The following ADGRV1 variants were observed in gnomAD, a reference collection of about 807,000 sequenced individuals.
ADGRV1 encodes adhesion G protein-coupled receptor V1.
Under a neutral mutation model 596.2 loss-of-function variants are expected in ADGRV1, and 359 were observed. That is an observed-to-expected ratio of 0.60 (90% CI 0.55 to 0.66). The LOEUF is 0.66. Among genes scored for constraint, ADGRV1 ranks in the 30% least tolerant of loss-of-function variants. The pLI, the probability that ADGRV1 is intolerant of heterozygous loss-of-function variation, is 0.00. For synonymous variants in ADGRV1, 2,681 were observed against 2,679.2 expected (o/e 1.00, Z -0.02); for missense variants, 7,274 against 7,575.6 (o/e 0.96, Z 1.48).
In ADGRV1 at chr5:90,791,222, C is replaced by T; in HGVS notation, c.14393C>T (p.Ala4798Val). 1 of 1,613,666 alleles carries T rather than the reference C, an allele frequency of 6.2e-7. No individual in the cohort carries two copies. The highest frequency in any genetic ancestry group is 8.5e-7 in the Non-Finnish European group (1 of 1,179,812). The change falls in exon 70 of 90, where the codon GCT (alanine) becomes GTT (valine). Residue 4798 changes from alanine to valine, a missense_variant. Physicochemically the swap from Ala to Val is moderately conservative, Grantham distance 64. This residue lies in a region of ADGRV1 where 1,874 missense variants were observed against 1,970.2 expected (regional missense o/e 0.95). Transcript: ENST00000405460. ...TRLAGTFGDVAVGLRISSDHK... is the reference protein window; with the variant it reads ...TRLAGTFGDVVVGLRISSDHK... ...CTTGCTGGAACATTTGGAGATGTGG[C>T]TGTTGGGCTTCGAATATCATCGGAT...
At chr5:90,719,324 A>C (rs1253960808) in intron 43 of ADGRV1, among the ~76,000 whole-genome samples, 1 of 9,672 alleles carries the variant, frequency 1.0e-4, no homozygotes, top group Non-Finnish European at 1.5e-4. Context: ...CTGTCTCATA[A>C]ATAAATAAAT....
chr5:91,027,448 A>G lies in ADGRV1; in HGVS notation c.18152+41926A>G, dbSNP rs1036410814. Among the ~76,000 whole-genome samples, 3 of 152,120 alleles carry G rather than the reference A, an allele frequency of 2.0e-5. No homozygotes were observed. In the East Asian group the frequency reaches 5.8e-4, roughly 29 times the overall value. ...GTATTTCCTTGGTTGGCAAGATGGC[A>G]AGGCCAGCCCAGAACATTGAAAGAT... On this transcript the variant is annotated intron_variant, in intron 85 of 89. Coordinates refer to ENST00000405460, the MANE Select transcript of ADGRV1 (RefSeq NM_032119.4).
Position 90,840,830 on chromosome 5 carries a change from G to C in ADGRV1, c.16864G>C (p.Asp5622His). 1 of 1,613,730 alleles carries C rather than the reference G, an allele frequency of 6.2e-7. No individual in the cohort carries two copies. ...GACTGCCAACATCACTCTTGTCTCA[G>C]ATGCAGATTCGCAGGCCATTTGGGG... is the stretch of plus-strand genomic sequence containing the variant. Reference protein sequence around the residue: ...YGTANITLVSDADSQAIWGLA... With the variant: ...YGTANITLVSHADSQAIWGLA... Residue 5622 changes from aspartate (D) to histidine (H), a missense_variant, in exon 78 of 90, where the codon GAT becomes CAT. By Grantham distance (81) the Asp-to-His change is moderately conservative. Coordinates refer to ENST00000405460, the MANE Select transcript of ADGRV1 (RefSeq NM_032119.4).
intron 85 of ADGRV1, among the ~76,000 whole-genome samples, chr5:91,021,259 A>G (rs1783609852): frequency 6.6e-6 from 1 of 152,078 alleles, no homozygotes; most frequent in African/African-American, 2.4e-5. Flanking sequence ...AAGAGCTATA[A>G]TGTAAAATGG....
chr5:90,636,057 G>C (rs755792646), intron 10 of ADGRV1, among the ~76,000 whole-genome samples: 2 of 151,994 alleles, frequency 1.3e-5, no homozygotes, highest in Non-Finnish European at 2.9e-5. Context: ...GTTGTGGAAT[G>C]CTAAATCTTA....
intron 1 of ADGRV1, among the ~76,000 whole-genome samples, chr5:90,594,332 G>A (rs934515713): frequency 1.3e-5 from 2 of 151,938 alleles, no homozygotes; most frequent in African/African-American, 4.8e-5. Flanking sequence ...TTTATAAGGG[G>A]TTCTTCCCCC....
chr5:91,014,525 G>GT (rs566957092), intron 85 of ADGRV1, among the ~76,000 whole-genome samples: 209 of 148,778 alleles, frequency 1.4e-3, no homozygotes, highest in South Asian at 1.5e-3. Flanking sequence ...TTTGTTTTTT[G>GT]TTTTTTTTTG....
At chr5:90,974,651 A>G (rs748807707) in intron 84 of ADGRV1, among the ~76,000 whole-genome samples, 12 of 152,232 alleles carry the variant, frequency 7.9e-5, no homozygotes, top group Non-Finnish European at 1.8e-4. Flanking sequence ...AGCCATATGT[A>G]GAAAGCTGAA....
At chr5:90,952,567 A>G (rs549668908) in intron 83 of ADGRV1, among the ~76,000 whole-genome samples, 70 of 152,290 alleles carry the variant, frequency 4.6e-4, no homozygotes, top group Admixed American at 3.4e-3. Context: ...GATATCCAGG[A>G]CATGTAATAT....
intron 77 of ADGRV1, among the ~76,000 whole-genome samples, chr5:90,830,235 C>T (rs1764411509): frequency 6.6e-6 from 1 of 152,014 alleles, no homozygotes; most frequent in Non-Finnish European, 1.5e-5. Flanking sequence ...GTCCACAGTG[C>T]AGCAAACAAA....
intron 83 of ADGRV1, among the ~76,000 whole-genome samples, chr5:90,907,245 T>C (rs1314965649): frequency 3.3e-5 from 5 of 152,136 alleles, no homozygotes; most frequent in African/African-American, 4.8e-5. Context: ...ATAGTTAACT[T>C]TGGAAACAAA....
intron 87 of ADGRV1, among the ~76,000 whole-genome samples, chr5:91,132,853 AG>A (rs1298001648): frequency 2.0e-5 from 3 of 152,204 alleles, no homozygotes; most frequent in Admixed American, 6.5e-5. Context: ...AGATGAGTGG[AG>A]CTAGATATGG....
intron 87 of ADGRV1, among the ~76,000 whole-genome samples, chr5:91,107,869 G>T (rs969577737): frequency 7.9e-5 from 12 of 152,074 alleles, no homozygotes; most frequent in Non-Finnish European, 1.8e-4. Flanking sequence ...CTCTTATGGA[G>T]GTTTGTAAAG....
chr5:90,926,426 G>A (rs1372719962), intron 83 of ADGRV1, among the ~76,000 whole-genome samples: 2 of 148,228 alleles, frequency 1.3e-5, no homozygotes, highest in Non-Finnish European at 3.0e-5. Context: ...GCGTAGAGGT[G>A]TTTGTAGTAT....
chr5:90,596,953 T>C (rs1459659670), intron 1 of ADGRV1, among the ~76,000 whole-genome samples: 4 of 152,176 alleles, frequency 2.6e-5, no homozygotes, highest in African/African-American at 9.7e-5. Flanking sequence ...TGGGTGGTCT[T>C]TTTAGTTATA....
At chr5:91,143,912 AG>A (rs1795316756) in intron 87 of ADGRV1, among the ~76,000 whole-genome samples, 1 of 151,996 alleles carries the variant, frequency 6.6e-6, no homozygotes, top group Admixed American at 6.6e-5. Context: ...CTAAGTCTGG[AG>A]GGGGTCAAGG....
intron 82 of ADGRV1, among the ~76,000 whole-genome samples, chr5:90,859,010 G>C (rs1194875106): frequency 6.6e-6 from 1 of 152,172 alleles, no homozygotes; most frequent in Non-Finnish European, 1.5e-5. Flanking sequence ...TAACTAGTCT[G>C]TGTCTTGGAG....
At chr5:90,928,757 G>T (rs893969964) in intron 83 of ADGRV1, among the ~76,000 whole-genome samples, 7 of 151,688 alleles carry the variant, frequency 4.6e-5, no homozygotes, top group African/African-American at 1.7e-4. Flanking sequence ...CCCCATCTTT[G>T]TGTTTTTATC....
At chr5:90,617,760 A>C in intron 2 of ADGRV1, 44 bp from the exon 3 acceptor site, 1 of 1,523,848 alleles carries the variant, frequency 6.6e-7, no homozygotes. Flanking sequence ...TACTTGTCCT[A>C]ATACTGTGTT....
Sources: gnomAD v4.1 joint callset for allele counts (sites outside exome capture counted in the v4.1 genomes callset) on GRCh38, gnomAD v4.1.1 for gene constraint, gnomAD v4.1.1 regional missense constraint, MANE v1.5 for transcripts, NCBI Gene and HGNC (gene_info 2026-07-23, HGNC 2026-07-21) for gene names.